FAM13A: variants seen among roughly 807,000 people sequenced by gnomAD.
FAM13A encodes protein FAM13A.
A neutral mutation model predicts 129.6 loss-of-function variants in FAM13A; 76 were observed. The ratio of observed to expected loss-of-function variants is 0.59; its 90% CI spans 0.49 to 0.71. The LOEUF (loss-of-function observed/expected upper bound fraction) is 0.71, where lower values mean the gene tolerates loss of function less well. Among genes scored for constraint, FAM13A ranks in the 30% least tolerant of loss-of-function variants. The pLI, the probability that FAM13A is intolerant of heterozygous loss-of-function variation, is 0.00. For missense variants in FAM13A, 1,108 were observed against 1,249.3 expected, an observed-to-expected ratio of 0.89 and a Z score of 1.70; for synonymous variants, 443 against 449.9, an observed-to-expected ratio of 0.98 and a Z score of 0.20.
chr4:88,870,498 G>T (rs150561231), intron 6 of FAM13A, among the ~76,000 whole-genome samples: 40 of 152,312 alleles, frequency 2.6e-4, no homozygotes, highest in Non-Finnish European at 1.6e-4. Flanking sequence ...GCCTGGCTTG[G>T]GGGGGGTCCC....
chr4:88,797,270 T>G (rs1726399109), intron 8 of FAM13A, among the ~76,000 whole-genome samples: 1 of 132,930 alleles, frequency 7.5e-6, no homozygotes, highest in Non-Finnish European at 1.6e-5. Flanking sequence ...GATAGTTTTG[T>G]GGGTTTTTTT....
chr4:89,027,246 C>T (rs1768084640), intron 2 of FAM13A, among the ~76,000 whole-genome samples: 1 of 152,156 alleles, frequency 6.6e-6, no homozygotes, highest in Admixed American at 6.5e-5. Flanking sequence ...CAATGGCTCA[C>T]ATCTATAATC....
At chr4:88,732,460 A>C (rs953009055) in intron 21 of FAM13A, 59 of 298,536 alleles carry the variant, frequency 2.0e-4, no homozygotes, top group African/African-American at 1.2e-3. Flanking sequence ...ACATCATGTT[A>C]ATAGTTGTCA....
intron 3 of FAM13A, among the ~76,000 whole-genome samples, chr4:88,993,922 C>T (rs1291989170): frequency 1.3e-5 from 2 of 151,010 alleles, no homozygotes; most frequent in African/African-American, 2.4e-5. Context: ...ACCTGGGAAG[C>T]GGAGGTTGCA....
rs556177948 is a variant in FAM13A, at chr4:88,981,589, A to AG, written c.605+9383_605+9384insC. Among the ~76,000 whole-genome samples the AG allele has an allele frequency of 4.3e-3, 660 of 152,240 alleles. 9 individuals carry two copies. Among genetic ancestry groups the AG allele is most frequent in the African/African-American group, 0.015 (630 of 41,546 alleles). On this transcript the variant is annotated intron_variant, in intron 4 of 23. Coordinates refer to ENST00000264344, the MANE Select transcript of FAM13A (RefSeq NM_014883.4). ...GTGCCTTAGAGCAGATCCTCAAGAA[A>AG]CCCAAAGAAAACAAGGCAATGATGA...
intron 6 of FAM13A, among the ~76,000 whole-genome samples, chr4:88,877,699 T>C (rs116337237): frequency 0.016 from 2,404 of 152,328 alleles, 31 homozygotes; most frequent in Middle Eastern, 0.027. Context: ...TTCACATCTA[T>C]AATGAAGAAA....
At chr4:88,871,103 TC>T (rs1231049126) in intron 6 of FAM13A, among the ~76,000 whole-genome samples, 3 of 152,126 alleles carry the variant, frequency 2.0e-5, no homozygotes, top group Non-Finnish European at 4.4e-5. Context: ...AGCATCAACA[TC>T]AACAATAAGG....
intron 5 of FAM13A, among the ~76,000 whole-genome samples, chr4:88,913,162 GGAAGAA>G (rs1447708054): frequency 7.4e-6 from 1 of 136,006 alleles, no homozygotes; most frequent in African/African-American, 2.8e-5. Context: ...AGGAGGAGGA[GGAAGAA>G]GAAGAGGAAG....
intron 4 of FAM13A, among the ~76,000 whole-genome samples, chr4:88,942,209 C>A (rs1754875432): frequency 6.6e-6 from 1 of 152,082 alleles, no homozygotes; most frequent in Non-Finnish European, 1.5e-5. Context: ...AAGAGGTGCA[C>A]TTGAATCCCA....
At chr4:88,767,801 T>C (rs1406286193) in intron 12 of FAM13A, among the ~76,000 whole-genome samples, 182 bp downstream of exon 12, 1 of 152,220 alleles carries the variant, frequency 6.6e-6, no homozygotes, top group Non-Finnish European at 1.5e-5. Flanking sequence ...TATAGTTATT[T>C]GCCTTCAATA....
chr4:88,975,046 A>G (rs896482792), intron 4 of FAM13A, among the ~76,000 whole-genome samples: 90 of 152,336 alleles, frequency 5.9e-4, no homozygotes, highest in African/African-American at 2.2e-3. Context: ...ATATTTGGTA[A>G]TTTAATACAT....
intron 7 of FAM13A, among the ~76,000 whole-genome samples, chr4:88,834,180 G>A (rs1281562157): frequency 6.8e-6 from 1 of 147,912 alleles, no homozygotes; most frequent in African/African-American, 2.5e-5. Flanking sequence ...CCAAAGTGCT[G>A]GGATTATAGG....
At chr4:89,046,374 AG>A (rs1239224448) in intron 1 of FAM13A, among the ~76,000 whole-genome samples, 19 of 152,366 alleles carry the variant, frequency 1.2e-4, no homozygotes, top group African/African-American at 4.6e-4. Context: ...AGACGGTAGG[AG>A]AAAGTAAATG....
At chr4:88,865,218 T>C (rs1273949589) in intron 6 of FAM13A, among the ~76,000 whole-genome samples, 3 of 152,212 alleles carry the variant, frequency 2.0e-5, no homozygotes, top group Non-Finnish European at 4.4e-5. Context: ...AAAAGCCATA[T>C]TGAGAAATGA....
intron 4 of FAM13A, among the ~76,000 whole-genome samples, chr4:88,950,531 A>T (rs57259647): frequency 1.7e-3 from 262 of 152,352 alleles, no homozygotes; most frequent in Middle Eastern, 0.01. Flanking sequence ...TACAACAAAG[A>T]GTAACTCCTA....
chr4:88,920,895 G>A (rs947540243), intron 5 of FAM13A, among the ~76,000 whole-genome samples: 12 of 152,180 alleles, frequency 7.9e-5, no homozygotes, highest in African/African-American at 2.2e-4. Flanking sequence ...CGAGAACTAC[G>A]TGAAGAATGT....
intron 19 of FAM13A, among the ~76,000 whole-genome samples, chr4:88,741,030 C>G (rs137881444): frequency 6.6e-6 from 1 of 152,334 alleles, no homozygotes; most frequent in African/African-American, 2.4e-5. Flanking sequence ...GTGTCTAGTG[C>G]TGGCAAGGAT....
chr4:88,983,714 A>G (rs939467677), intron 4 of FAM13A, among the ~76,000 whole-genome samples: 1 of 152,184 alleles, frequency 6.6e-6, no homozygotes, highest in Admixed American at 6.5e-5. Flanking sequence ...TAAAATGGCA[A>G]TAGAGTCCTC....
intron 7 of FAM13A, among the ~76,000 whole-genome samples, chr4:88,834,817 T>C (rs1202293958): frequency 6.6e-6 from 1 of 152,160 alleles, no homozygotes; most frequent in Non-Finnish European, 1.5e-5. Flanking sequence ...AATGAATACT[T>C]TGTTAATAAA....
Sources: allele counts gnomAD v4.1 joint callset (sites outside exome capture counted in the v4.1 genomes callset), GRCh38; gene constraint gnomAD v4.1.1; transcripts MANE v1.5; gene names NCBI Gene and HGNC (gene_info 2026-07-23, HGNC 2026-07-21).